PLA2R1: variants seen among roughly 807,000 people sequenced by gnomAD.
PLA2R1 encodes the protein secretory phospholipase A2 receptor.
In PLA2R1, 158 loss-of-function variants were observed where a neutral mutation model predicts 195.9. That is an observed-to-expected ratio of 0.81 (90% confidence interval 0.71 to 0.92). The LOEUF is 0.92. Ranked by LOEUF, PLA2R1 falls within the 40% of genes least tolerant of loss-of-function variation. The pLI is 0.00. For missense variants in PLA2R1, 1,626 were observed against 1,764.6 expected, an observed-to-expected ratio of 0.92 and a Z score of 1.41; for synonymous variants, 586 against 598.2, an observed-to-expected ratio of 0.98 and a Z score of 0.30.
chr2:159,998,558 G>A (rs958957063), intron 11 of PLA2R1, among the ~76,000 whole-genome samples: 5 of 151,962 alleles, frequency 3.3e-5, no homozygotes, highest in African/African-American at 4.8e-5. Context: ...AATATTTTTC[G>A]ATCCAAAACC....
At chr2:160,057,186 G>A (rs556045857) in intron 1 of PLA2R1, among the ~76,000 whole-genome samples, 1 of 152,248 alleles carries the variant, frequency 6.6e-6, no homozygotes, top group African/African-American at 2.4e-5. Context: ...AGTCCTACTA[G>A]TCAAAGCCAA....
At position 159,947,530 on chromosome 2, in the gene PLA2R1, A is replaced by AC; in HGVS notation, c.3738dup (p.Cys1247ValfsTer12). On this transcript the variant is annotated frameshift_variant, in exon 26 of 30. Coordinates refer to ENST00000283243, the MANE Select transcript of PLA2R1 (RefSeq NM_007366.5). LOFTEE classifies it high-confidence loss of function. ...ATCCAGGGAATAGATGTTTCTGAGC[A>AC]CAACTCTGGGTGTTCAGATTGTCTT... The AC allele has an allele frequency of 1.2e-6, 2 of 1,613,478 alleles. No homozygotes were observed. The highest frequency in any genetic ancestry group is 1.7e-6 in the Non-Finnish European group (2 of 1,179,650).
downstream of PLA2R1, among the ~76,000 whole-genome samples, chr2:159,930,801 C>G (rs1399315650): frequency 6.6e-6 from 1 of 152,162 alleles, no homozygotes; most frequent in African/African-American, 2.4e-5. Flanking sequence ...TCCCTTCTCC[C>G]AAAACTGCTG....
intron 17 of PLA2R1, among the ~76,000 whole-genome samples, chr2:159,975,385 T>C (rs1417262786): frequency 6.6e-6 from 1 of 152,206 alleles, no homozygotes; most frequent in Non-Finnish European, 1.5e-5. Flanking sequence ...TTTGCCAGTT[T>C]ATTATTTAAT....
At chr2:160,017,452 C>A (rs1326733831) in intron 8 of PLA2R1, among the ~76,000 whole-genome samples, 1 of 152,190 alleles carries the variant, frequency 6.6e-6, no homozygotes, top group African/African-American at 2.4e-5. Flanking sequence ...AAATGCTTTG[C>A]TGCTTTCATG....
intron 20 of PLA2R1, among the ~76,000 whole-genome samples, chr2:159,962,719 T>G (rs1688529414): frequency 6.6e-6 from 1 of 152,054 alleles, no homozygotes; most frequent in African/African-American, 2.4e-5. Flanking sequence ...AAAGGATGAG[T>G]TCATGTCCTT....
At chr2:160,027,201 T>C (rs1379692703) in intron 6 of PLA2R1, among the ~76,000 whole-genome samples, 1 of 152,150 alleles carries the variant, frequency 6.6e-6, no homozygotes, top group Non-Finnish European at 1.5e-5. Flanking sequence ...CTACTCCCAT[T>C]TCTGGTCTTC....
intron 1 of PLA2R1, among the ~76,000 whole-genome samples, chr2:160,045,863 C>T (rs768112947): frequency 9.2e-5 from 14 of 152,138 alleles, no homozygotes; most frequent in Admixed American, 5.9e-4. Context: ...CGAGAGGTGA[C>T]GGACCACCAT....
At chr2:159,981,553 G>A (rs1689957985) in intron 13 of PLA2R1, among the ~76,000 whole-genome samples, 1 of 151,946 alleles carries the variant, frequency 6.6e-6, no homozygotes, top group Non-Finnish European at 1.5e-5. Context: ...CTACAGATGT[G>A]TGCCACTACA....
intron 1 of PLA2R1, among the ~76,000 whole-genome samples, chr2:160,050,152 A>G (rs1384190084): frequency 6.6e-6 from 1 of 152,254 alleles, no homozygotes; most frequent in African/African-American, 2.4e-5. Flanking sequence ...GATTTAAAAA[A>G]CCAAGTGATA....
At chr2:159,972,982 CAACT>C (rs1458035798) in intron 17 of PLA2R1, among the ~76,000 whole-genome samples, 1 of 152,156 alleles carries the variant, frequency 6.6e-6, no homozygotes, top group Non-Finnish European at 1.5e-5. Flanking sequence ...TTTGACACTG[CAACT>C]AACTGTTATT....
intron 23 of PLA2R1, among the ~76,000 whole-genome samples, chr2:159,953,936 C>T (rs995002531): frequency 1.3e-5 from 2 of 152,150 alleles, no homozygotes; most frequent in Admixed American, 6.5e-5. Context: ...CGGGTTCAAG[C>T]GATTCTCATG....
rs1202834552 is a variant in PLA2R1 at position 160,032,727 on chromosome 2, TG to T, written c.841+231del. 1.3e-5 allele frequency among the ~76,000 whole-genome samples: 2 copies of T among 152,202 alleles called. 1 individual carries two copies. The highest frequency in any genetic ancestry group is 6.3e-3 in the Middle Eastern group (2 of 316). ...TGCAACTCTCCTGGGTCCCTTGCTGTGGCCTCAAATTCTCTTCTCCAAGGAG... is the reference window on the plus strand; with the variant it reads ...TGCAACTCTCCTGGGTCCCTTGCTGTGCCTCAAATTCTCTTCTCCAAGGAG... On this transcript the variant is annotated intron_variant, in intron 4 of 29. Transcript: ENST00000283243.
rs1408825098 is a variant in PLA2R1, at chr2:159,987,267, C to A, written c.1926G>T (p.Leu642Phe). 1 of 1,613,504 alleles carries A rather than the reference C, an allele frequency of 6.2e-7. No homozygotes were observed. The highest frequency in any genetic ancestry group is 8.5e-7 in the Non-Finnish European group (1 of 1,179,908). Residue 642 changes from leucine (L) to phenylalanine (F), a missense_variant, in exon 12 of 30, where the codon TTG becomes TTT. By Grantham distance (22) the Leu-to-Phe change is conservative. Transcript: ENST00000283243. ...KHCRHFKAMS[L>F]CKQPVENQEK... ...CCTGATTTTCAACTGGCTGCTTGCA[C>A]AAGGACATTGCCTTAAAGTGCCGAC...
intron 6 of PLA2R1, among the ~76,000 whole-genome samples, 155 bp downstream of exon 6, chr2:160,028,063 A>G (rs1292508104): frequency 6.6e-6 from 1 of 152,222 alleles, no homozygotes; most frequent in African/African-American, 2.4e-5. Flanking sequence ...CTTTGACATA[A>G]CAGATATTGT....
At chr2:159,981,095 T>C (rs1019285179) in intron 13 of PLA2R1, among the ~76,000 whole-genome samples, 4 of 152,146 alleles carry the variant, frequency 2.6e-5, no homozygotes, top group African/African-American at 2.4e-5. Flanking sequence ...CCTCACTGAA[T>C]TCAGAGTTCT....
At chr2:160,028,153 A>G in intron 6 of PLA2R1, 65 bp downstream of exon 6, 1 of 1,078,910 alleles carries the variant, frequency 9.3e-7, no homozygotes, top group Non-Finnish European at 1.4e-6. Flanking sequence ...AAAATAGAGA[A>G]ATTTACATAT....
At chr2:159,981,758 G>A (rs571018749) in intron 13 of PLA2R1, among the ~76,000 whole-genome samples, 3 of 152,234 alleles carry the variant, frequency 2.0e-5, no homozygotes, top group Middle Eastern at 3.4e-3. Flanking sequence ...TGCCCAGGCT[G>A]GAGTGCAGTG....
chr2:160,004,224 A>G (rs962207421), intron 11 of PLA2R1, among the ~76,000 whole-genome samples: 1 of 152,230 alleles, frequency 6.6e-6, no homozygotes, highest in African/African-American at 2.4e-5. Flanking sequence ...TTGGAGTAAA[A>G]ATACCTGCTG....
Sources: allele counts gnomAD v4.1 joint callset (sites outside exome capture counted in the v4.1 genomes callset), GRCh38; gene constraint gnomAD v4.1.1; transcripts MANE v1.5; gene names NCBI Gene and HGNC (gene_info 2026-07-23, HGNC 2026-07-21).